FOXO1: variants seen among roughly 807,000 people sequenced by gnomAD.
The protein encoded by FOXO1 is forkhead box O1.
Under a neutral mutation model 44.1 loss-of-function variants are expected in FOXO1, and 6 were observed. The ratio of observed to expected loss-of-function variants is 0.14; its 90% CI spans 0.07 to 0.27. The LOEUF is 0.27. FOXO1 is among the 10% of genes least tolerant of loss of function. The pLI, the probability that FOXO1 is intolerant of heterozygous loss-of-function variation, is 1.00. For missense variants in FOXO1, 737 were observed against 888.8 expected (o/e 0.83, Z 2.17); for synonymous variants, 380 against 362.7 (o/e 1.05, Z -0.54).
At chr13:40,614,218 C>CTG (rs1462425579) in intron 1 of FOXO1, among the ~76,000 whole-genome samples, 1 of 152,190 alleles carries the variant, frequency 6.6e-6, no homozygotes, top group Non-Finnish European at 1.5e-5. Context: ...AAACAGTTTG[C>CTG]TGTGTGCTTG....
intron 1 of FOXO1, among the ~76,000 whole-genome samples, chr13:40,664,719 C>G (rs1878161954): frequency 6.6e-6 from 1 of 152,198 alleles, no homozygotes; most frequent in Non-Finnish European, 1.5e-5. Context: ...GGCGCTTCCC[C>G]GCATGGAGAA....
chr13:40,578,657 G>A (rs1874848613), intron 1 of FOXO1, among the ~76,000 whole-genome samples: 1 of 152,168 alleles, frequency 6.6e-6, no homozygotes, highest in Non-Finnish European at 1.5e-5. Flanking sequence ...TTCGGCATGT[G>A]CTCTACAAAA....
At chr13:40,628,008 T>C (rs540202978) in intron 1 of FOXO1, among the ~76,000 whole-genome samples, 1 of 152,198 alleles carries the variant, frequency 6.6e-6, no homozygotes, top group African/African-American at 2.4e-5. Context: ...CGTGTGTGTG[T>C]GCACAAATCT....
At chr13:40,580,360 G>A (rs1176287533) in intron 1 of FOXO1, among the ~76,000 whole-genome samples, 1 of 152,042 alleles carries the variant, frequency 6.6e-6, no homozygotes, top group African/African-American at 2.4e-5. Context: ...AGCAGGAGAC[G>A]GGGAAAGAGA....
At chr13:40,639,520 G>A (rs960129804) in intron 1 of FOXO1, among the ~76,000 whole-genome samples, 1 of 152,218 alleles carries the variant, frequency 6.6e-6, no homozygotes, top group Non-Finnish European at 1.5e-5. Flanking sequence ...GCATTTTCAT[G>A]CAGGAAAAAA....
In FOXO1 at chr13:40,640,319, G is replaced by A. The variant is rs139101835; in HGVS notation, c.630+25264C>T. 9.8e-5 allele frequency among the ~76,000 whole-genome samples: 15 copies of A among 152,350 alleles called. 1 individual carries two copies. The East Asian group carries it at 2.5e-3, about 25-fold the overall frequency. ...GGACGATGAACATTATTTGGAAGCA[G>A]AGTCCTAAGCCAAGCAATGTCTGGC... On this transcript the variant is annotated intron_variant, in intron 1 of 2. Transcript: ENST00000379561.
At chr13:40,658,913 G>A (rs111327873) in intron 1 of FOXO1, among the ~76,000 whole-genome samples, 97 of 152,340 alleles carry the variant, frequency 6.4e-4, no homozygotes, top group African/African-American at 2.3e-3. Context: ...TCAGGAGGCT[G>A]AGGCAGGAGA....
chr13:40,666,474 G>C lies in FOXO1; in HGVS notation c.-262C>G, dbSNP rs1566089750. The stretch of plus-strand genomic sequence containing the variant: ...GGCCGGCCAGAGCCGCCGGGCCGGG[G>C]CAGAGCCTGCGCCGCGCTCCAGCTG... On this transcript the variant is annotated 5_prime_UTR_variant, in exon 1 of 3. Coordinates refer to ENST00000379561, the MANE Select transcript of FOXO1 (RefSeq NM_002015.4). 2 of 356,624 alleles carry C rather than the reference G, an allele frequency of 5.6e-6. No homozygotes were observed. The highest frequency in any genetic ancestry group is 1.0e-5 in the Non-Finnish European group (2 of 198,320). The allele number at this position is 356,624 out of a possible 1,614,324, so 22.1% of individuals were successfully genotyped here.
chr13:40,664,826 C>T (rs1366274576), intron 1 of FOXO1, among the ~76,000 whole-genome samples: 1 of 151,634 alleles, frequency 6.6e-6, no homozygotes, highest in Non-Finnish European at 1.5e-5. Flanking sequence ...CCACCGCCAC[C>T]GCCACCGCCC....
chr13:40,617,833 C>T (rs998402261), intron 1 of FOXO1, among the ~76,000 whole-genome samples: 2 of 152,272 alleles, frequency 1.3e-5, no homozygotes, highest in Admixed American at 6.5e-5. Flanking sequence ...GTGTTCTGTA[C>T]ATTGTTTGTA....
At chr13:40,629,973 C>T (rs537047567) in intron 1 of FOXO1, among the ~76,000 whole-genome samples, 15 of 152,206 alleles carry the variant, frequency 9.9e-5, no homozygotes, top group Non-Finnish European at 1.9e-4. Flanking sequence ...TTTTCTTGTG[C>T]TCAGCAGTCA....
chr13:40,583,329 T>C (rs1303261671), intron 1 of FOXO1, among the ~76,000 whole-genome samples: 2 of 152,206 alleles, frequency 1.3e-5, no homozygotes, highest in Admixed American at 6.5e-5. Context: ...TCCATGAGCA[T>C]TGGCTTCAAC....
At chr13:40,646,956 T>C (rs1262510584) in intron 1 of FOXO1, among the ~76,000 whole-genome samples, 1 of 152,134 alleles carries the variant, frequency 6.6e-6, no homozygotes, top group African/African-American at 2.4e-5. Flanking sequence ...AAAATATGAC[T>C]GTAGGAGATC....
intron 1 of FOXO1, among the ~76,000 whole-genome samples, chr13:40,571,287 G>A (rs866431104): frequency 5.7e-4 from 87 of 152,084 alleles, no homozygotes; most frequent in African/African-American, 1.9e-3. Context: ...CGAGTAAATG[G>A]GTGCAGCACA....
chr13:40,591,171 C>A, intron 1 of FOXO1, among the ~76,000 whole-genome samples: 1 of 151,962 alleles, frequency 6.6e-6, no homozygotes, highest in Admixed American at 6.6e-5. Context: ...GAGACTCTTC[C>A]TGCCAAAAAA....
intron 1 of FOXO1, among the ~76,000 whole-genome samples, chr13:40,644,688 T>C (rs1340897068): frequency 1.3e-5 from 2 of 152,092 alleles, no homozygotes; most frequent in Non-Finnish European, 2.9e-5. Flanking sequence ...ACTCTCAACA[T>C]ATAAAATGTC....
chr13:40,583,353 C>G (rs1423738752), intron 1 of FOXO1, among the ~76,000 whole-genome samples: 3 of 152,224 alleles, frequency 2.0e-5, no homozygotes, highest in Non-Finnish European at 4.4e-5. Flanking sequence ...AAGCCACCAG[C>G]TGCATTACCC....
intron 1 of FOXO1, among the ~76,000 whole-genome samples, chr13:40,616,975 T>C (rs1437289751): frequency 6.6e-6 from 1 of 152,214 alleles, no homozygotes; most frequent in Non-Finnish European, 1.5e-5. Context: ...TATGCTAACA[T>C]GTGAATACAT....
At chr13:40,644,201 A>C (rs1162494593) in intron 1 of FOXO1, among the ~76,000 whole-genome samples, 1 of 152,208 alleles carries the variant, frequency 6.6e-6, no homozygotes, top group East Asian at 1.9e-4. Flanking sequence ...TTTTGCAGAC[A>C]CTAGCACTGG....
Sources: allele counts gnomAD v4.1 joint callset (sites outside exome capture counted in the v4.1 genomes callset), GRCh38; gene constraint gnomAD v4.1.1; transcripts MANE v1.5; gene names NCBI Gene and HGNC (gene_info 2026-07-23, HGNC 2026-07-21).